The following WDR7 variants were observed in gnomAD, a reference collection of about 807,000 sequenced individuals.
The protein encoded by WDR7 is WD repeat domain 7.
Under a neutral mutation model 169.4 loss-of-function variants are expected in WDR7, and 46 were observed. The ratio of observed to expected loss-of-function variants is 0.27; its 90% confidence interval spans 0.21 to 0.35. The LOEUF is 0.35. Ranked by LOEUF, WDR7 falls within the 10% of genes least tolerant of loss-of-function variation. The pLI is 1.00. For missense variants in WDR7, 1,534 were observed against 1,859.3 expected (o/e 0.83, Z 3.22); for synonymous variants, 612 against 666.8 (o/e 0.92, Z 1.27).
chr18:56,973,523 C>A (rs1020261037), intron 26 of WDR7, among the ~76,000 whole-genome samples: 4 of 151,772 alleles, frequency 2.6e-5, no homozygotes, highest in African/African-American at 9.7e-5. Context: ...TATATATAGT[C>A]CACAAAATTA....
At chr18:56,816,958 TAGAA>T (rs1364153707) in intron 20 of WDR7, among the ~76,000 whole-genome samples, 1 of 152,196 alleles carries the variant, frequency 6.6e-6, no homozygotes, top group Non-Finnish European at 1.5e-5. Context: ...ATCAATATTT[TAGAA>T]AGAAGTACGC....
chr18:56,686,402 T>G (rs1330097181), intron 6 of WDR7, among the ~76,000 whole-genome samples: 1 of 152,192 alleles, frequency 6.6e-6, no homozygotes, highest in African/African-American at 2.4e-5. Flanking sequence ...TAGTCATCTA[T>G]TTCAGTTCTT....
At chr18:56,684,737 G>C (rs546516674) in intron 5 of WDR7, among the ~76,000 whole-genome samples, 84 of 152,050 alleles carry the variant, frequency 5.5e-4, no homozygotes, top group Middle Eastern at 3.4e-3. Context: ...ATAGGTATTT[G>C]TCAAAAAGGT....
chr18:56,969,471 A>T lies in WDR7; in HGVS notation c.4164+6942A>T, dbSNP rs143006863. ...TTCCCAGGTTACACAGGAAGCATTC[A>T]GAAATATCTGTTGGATGATTTGTTA... is the stretch of plus-strand genomic sequence containing the variant. On this transcript the variant is annotated intron_variant, in intron 26 of 27. Transcript: ENST00000254442. 1.7e-3 allele frequency among the ~76,000 whole-genome samples: 264 copies of T among 152,324 alleles called. 1 individual carries two copies. Among genetic ancestry groups the T allele is most frequent in the African/African-American group, 6.1e-3 (253 of 41,566 alleles).
intron 26 of WDR7, among the ~76,000 whole-genome samples, chr18:56,972,469 T>C (rs145062339): frequency 2.0e-5 from 3 of 152,294 alleles, no homozygotes; most frequent in African/African-American, 7.2e-5. Context: ...CTACAGTACT[T>C]AGACAGTGAC....
chr18:56,993,392 G>T (rs1039204423), intron 26 of WDR7, among the ~76,000 whole-genome samples: 1 of 152,142 alleles, frequency 6.6e-6, no homozygotes, highest in Admixed American at 6.5e-5. Context: ...CTTTTGGAAT[G>T]ATGCCATCTG....
intron 19 of WDR7, among the ~76,000 whole-genome samples, chr18:56,789,896 T>C (rs970430157): frequency 1.3e-5 from 2 of 152,220 alleles, no homozygotes; most frequent in Non-Finnish European, 2.9e-5. Context: ...AAGAAAACAC[T>C]CATTCAGCCT....
intron 13 of WDR7, among the ~76,000 whole-genome samples, chr18:56,726,927 TCATAGTCA>T (rs1283012250): frequency 6.6e-6 from 1 of 152,140 alleles, no homozygotes; most frequent in Non-Finnish European, 1.5e-5. Flanking sequence ...GGTACTTTCT[TCATAGTCA>T]CACAGTAATC....
In WDR7 at chr18:56,682,706, C is replaced by T. The variant is rs1210823498; in HGVS notation, c.373C>T (p.Arg125Ter). 1.9e-6 allele frequency: 3 copies of T among 1,613,402 alleles called. No homozygotes were observed. Among genetic ancestry groups the T allele is most frequent in the Non-Finnish European group, 2.5e-6 (3 of 1,179,646 alleles). The change falls in exon 5 of 28, where the codon CGA becomes TGA. Residue 125 changes from arginine to a stop codon, truncating the protein, a stop_gained. Transcript: ENST00000254442. LOFTEE classifies it high-confidence loss of function. ...CTACCAGTTCTCTGTTGGGAATCAGCGAGAAGGAAGGCTTTTATGCCACGG... is the reference window on the plus strand; with the variant it reads ...CTACCAGTTCTCTGTTGGGAATCAGTGAGAAGGAAGGCTTTTATGCCACGG... ...QFYQFSVGNQ[R>*]EGRLLCHGHY... is the part of the protein sequence containing the mutation.
intron 14 of WDR7, among the ~76,000 whole-genome samples, chr18:56,754,357 G>GTGTGTATATATACACGTATATA (rs1236580190): frequency 5.3e-5 from 8 of 150,366 alleles, no homozygotes; most frequent in African/African-American, 2.0e-4. Flanking sequence ...GTATATATGT[G>GTGTGTATATATACACGTATATA]TGTGTATATA....
intron 26 of WDR7, among the ~76,000 whole-genome samples, chr18:57,011,065 A>G (rs2048129373): frequency 6.6e-6 from 1 of 152,250 alleles, no homozygotes; most frequent in African/African-American, 2.4e-5. Flanking sequence ...ATAAGCCTCG[A>G]TACCATAAAA....
chr18:56,946,719 ATG>A (rs1240327891), intron 25 of WDR7, among the ~76,000 whole-genome samples: 1 of 152,104 alleles, frequency 6.6e-6, no homozygotes, highest in Non-Finnish European at 1.5e-5. Context: ...AAGTACATAT[ATG>A]TGTGTGTGTA....
Position 56,799,474 on chromosome 18 carries a change from A to G in WDR7, c.3191-16557A>G, listed in dbSNP as rs188139942. Among the ~76,000 whole-genome samples, 152 of 152,284 alleles carry G rather than the reference A, an allele frequency of 1.0e-3. 1 individual carries two copies. Among genetic ancestry groups the G allele is most frequent in the African/African-American group, 3.4e-3 (142 of 41,576 alleles). ...TTTTAATACTTGTTACTGATACTCT[A>G]TATTACAGTGTTGCTGATAATATTT... On this transcript the variant is annotated intron_variant, in intron 19 of 27. Transcript: ENST00000254442.
chr18:56,763,280 C>A (rs1317412337), intron 16 of WDR7, among the ~76,000 whole-genome samples: 1 of 152,078 alleles, frequency 6.6e-6, no homozygotes, highest in Non-Finnish European at 1.5e-5. Context: ...GAAAAAGTTC[C>A]ATTCTATTCT....
intron 26 of WDR7, among the ~76,000 whole-genome samples, chr18:57,014,152 C>G (rs1432728840): frequency 6.6e-6 from 1 of 151,716 alleles, no homozygotes; most frequent in African/African-American, 2.4e-5. Context: ...TTGGGGAAAC[C>G]CTGTCTCCAA....
intron 19 of WDR7, among the ~76,000 whole-genome samples, chr18:56,805,352 G>A (rs951383989): frequency 5.3e-5 from 8 of 152,066 alleles, no homozygotes; most frequent in South Asian, 2.1e-4. Context: ...CCCCAGAATC[G>A]GGCTTTCAGG....
chr18:56,960,792 A>G (rs1568287708), intron 25 of WDR7, among the ~76,000 whole-genome samples: 1 of 152,154 alleles, frequency 6.6e-6, no homozygotes, highest in Non-Finnish European at 1.5e-5. Context: ...TATTCTTTGG[A>G]CAAGAAAAAC....
chr18:56,928,766 G>GA (rs954538221), intron 22 of WDR7, among the ~76,000 whole-genome samples: 1 of 151,994 alleles, frequency 6.6e-6, no homozygotes, highest in Non-Finnish European at 1.5e-5. Context: ...TTGCAGATGA[G>GA]AAAAAAATGA....
intron 14 of WDR7, among the ~76,000 whole-genome samples, chr18:56,740,884 A>G (rs1408780262): frequency 4.6e-5 from 7 of 152,090 alleles, no homozygotes; most frequent in Non-Finnish European, 8.8e-5. Flanking sequence ...TCTCTCTAGG[A>G]TCTTGGTCCC....
Sources: allele counts gnomAD v4.1 joint callset (sites outside exome capture counted in the v4.1 genomes callset), GRCh38; gene constraint gnomAD v4.1.1; transcripts MANE v1.5; gene names NCBI Gene and HGNC (gene_info 2026-07-23, HGNC 2026-07-21).